ACTR3B: variants seen among roughly 807,000 people sequenced by gnomAD.
ACTR3B encodes the protein actin-related protein 3B.
Under a neutral mutation model 59.0 loss-of-function variants are expected in ACTR3B, and 8 were observed. The ratio of observed to expected loss-of-function variants is 0.14; its 90% CI spans 0.08 to 0.24. The LOEUF is 0.24. Among genes scored for constraint, ACTR3B ranks in the 10% least tolerant of loss-of-function variants. ACTR3B has a pLI of 1.00. For synonymous variants in ACTR3B, 148 were observed against 197.9 expected (o/e 0.75, Z 2.12); for missense variants, 245 against 552.3 (o/e 0.44, Z 5.58).
At chr7:152,828,344 C>T (rs62494969) in intron 9 of ACTR3B, among the ~76,000 whole-genome samples, 78,706 of 150,840 alleles carry the variant, frequency 0.52, 22,384 homozygotes, top group East Asian at 0.71. Flanking sequence ...TTCTGGAAGC[C>T]GTCAGCCCTC....
intron 9 of ACTR3B, among the ~76,000 whole-genome samples, chr7:152,834,328 A>G (rs1797266702): frequency 6.6e-6 from 1 of 151,956 alleles, no homozygotes; most frequent in African/African-American, 2.4e-5. Flanking sequence ...TGATTTTTGT[A>G]TTTTTAGTAG....
intron 9 of ACTR3B, among the ~76,000 whole-genome samples, chr7:152,832,028 T>A (rs1306897751): frequency 6.6e-6 from 1 of 152,088 alleles, no homozygotes; most frequent in African/African-American, 2.4e-5. Context: ...GGATTGGAGA[T>A]GGAGTCTGGA....
chr7:152,838,624 A>G (rs1797647452), intron 9 of ACTR3B, among the ~76,000 whole-genome samples: 1 of 152,038 alleles, frequency 6.6e-6, no homozygotes, highest in Non-Finnish European at 1.5e-5. Flanking sequence ...TGGCACGTGT[A>G]TACCTGTGTA....
chr7:152,854,575 C>T lies in ACTR3B; in HGVS notation c.*22C>T, dbSNP rs1249449510. 7.5e-6 allele frequency: 12 copies of T among 1,608,864 alleles called. No homozygotes were observed. Among genetic ancestry groups the T allele is most frequent in the South Asian group, 4.4e-5 (4 of 90,966 alleles). On this transcript the variant is annotated 3_prime_UTR_variant, in exon 12 of 12. Coordinates refer to ENST00000256001, the MANE Select transcript of ACTR3B (RefSeq NM_020445.6). The surrounding 1 kb of genome is among the most constrained non-coding windows in gnomAD (Gnocchi z 4.9). ...CTAGTGTCTGCCTGAACGCGTCGTT[C>T]GATGGTGTCACGTTGGGGAACAAGT...
chr7:152,807,866 A>C lies in ACTR3B; in HGVS notation c.336+6135A>C, dbSNP rs547108713. Among the ~76,000 whole-genome samples, 140 of 152,088 alleles carry C rather than the reference A, an allele frequency of 9.2e-4. 2 individuals carry two copies. Among genetic ancestry groups the C allele is most frequent in the Admixed American group, 2.2e-3 (34 of 15,278 alleles). On this transcript the variant is annotated intron_variant, in intron 4 of 11. Coordinates refer to ENST00000256001, the MANE Select transcript of ACTR3B (RefSeq NM_020445.6). ...TTTCTATGAACTTTGTTTTTACTTAACTTTTTTTTATTCTAAAATACACAT... is the reference window on the plus strand; with the variant it reads ...TTTCTATGAACTTTGTTTTTACTTACCTTTTTTTTATTCTAAAATACACAT...
At chr7:152,775,076 T>C (rs13308475) in intron 1 of ACTR3B, among the ~76,000 whole-genome samples, 1 of 150,618 alleles carries the variant, frequency 6.6e-6, no homozygotes, top group South Asian at 2.1e-4. Context: ...CCTATAGTCT[T>C]GGCCACTCAG....
intron 5 of ACTR3B, among the ~76,000 whole-genome samples, chr7:152,815,696 C>T (rs1202972688): frequency 6.6e-6 from 1 of 152,104 alleles, no homozygotes; most frequent in Non-Finnish European, 1.5e-5. Context: ...AAAATGGTAC[C>T]AGATATTGTC....
In ACTR3B at chr7:152,855,244, T is replaced by A. The variant is rs1440434815; in HGVS notation, c.*691T>A. 1 of 152,552 alleles carries A rather than the reference T, an allele frequency of 6.6e-6. No homozygotes were observed. The highest frequency in any genetic ancestry group is 1.9e-4 in the East Asian group (1 of 5,198). The allele number at this position is 152,552 out of a possible 1,614,324, so 9.4% of individuals were successfully genotyped here. On this transcript the variant is annotated 3_prime_UTR_variant, in exon 12 of 12. Transcript: ENST00000256001. Reference sequence around the variant, plus strand: ...ATGTATGAGAATTACTACAGATACATGTATCTTTTAGTTTTTTTTGTTTGA... The same window carrying A: ...ATGTATGAGAATTACTACAGATACAAGTATCTTTTAGTTTTTTTTGTTTGA...
intron 1 of ACTR3B, among the ~76,000 whole-genome samples, chr7:152,767,136 CTCTAAT>C (rs2116503467): frequency 6.8e-6 from 1 of 147,952 alleles, no homozygotes; most frequent in Non-Finnish European, 1.5e-5. Flanking sequence ...TCATTTAAAT[CTCTAAT>C]TCATTTGGAA....
intron 9 of ACTR3B, among the ~76,000 whole-genome samples, chr7:152,851,332 C>T (rs58528196): frequency 0.05 from 7,676 of 152,198 alleles, 523 homozygotes; most frequent in African/African-American, 0.15. Flanking sequence ...ATGCAGTGCC[C>T]CATGGTGAGA....
At chr7:152,844,232 A>G (rs1798090568) in intron 9 of ACTR3B, among the ~76,000 whole-genome samples, 1 of 151,826 alleles carries the variant, frequency 6.6e-6, no homozygotes, top group Non-Finnish European at 1.5e-5. Context: ...TAATTTGTGT[A>G]TTTTTAGTAG....
chr7:152,811,068 G>GTA (rs902791606), intron 4 of ACTR3B: 1 of 150,414 alleles, frequency 6.6e-6, no homozygotes, highest in African/African-American at 2.5e-5. Context: ...TTAGTGATGG[G>GTA]TATTTAGGTT....
intron 1 of ACTR3B, among the ~76,000 whole-genome samples, chr7:152,770,223 A>G (rs2098120725): frequency 6.6e-6 from 1 of 152,152 alleles, no homozygotes; most frequent in African/African-American, 2.4e-5. Context: ...GCTAAAATTC[A>G]TATCACATTT....
At chr7:152,845,077 T>C (rs1359809606) in intron 9 of ACTR3B, among the ~76,000 whole-genome samples, 1 of 149,712 alleles carries the variant, frequency 6.7e-6, no homozygotes, top group African/African-American at 2.5e-5. Context: ...TGCTGTCTTA[T>C]CCACCACCTG....
intron 10 of ACTR3B, 105 bp downstream of exon 10, chr7:152,852,356 A>G (rs973397082): frequency 5.1e-5 from 71 of 1,386,626 alleles, no homozygotes; most frequent in Non-Finnish European, 6.6e-5. Flanking sequence ...CGCGTAAAAT[A>G]AAAACAAGTG....
intron 1 of ACTR3B, among the ~76,000 whole-genome samples, chr7:152,763,105 C>T (rs2117099300): frequency 6.6e-6 from 1 of 152,072 alleles, no homozygotes; most frequent in South Asian, 2.1e-4. Flanking sequence ...CACCTGAGGG[C>T]AGGAGTTCGA....
intron 9 of ACTR3B, among the ~76,000 whole-genome samples, chr7:152,842,068 C>G (rs540750019): frequency 6.6e-6 from 1 of 152,230 alleles, no homozygotes; most frequent in Non-Finnish European, 1.5e-5. Context: ...CTTCCTATCA[C>G]TGTAGATGGG....
At chr7:152,801,384 C>T (rs1249641848) in intron 3 of ACTR3B, among the ~76,000 whole-genome samples, 1 of 152,132 alleles carries the variant, frequency 6.6e-6, no homozygotes, top group Non-Finnish European at 1.5e-5. Context: ...TGGCCTGCCT[C>T]CGTGTCATTG....
intron 1 of ACTR3B, among the ~76,000 whole-genome samples, chr7:152,760,164 GCC>G (rs2098084772): frequency 6.6e-6 from 1 of 152,144 alleles, no homozygotes; most frequent in Non-Finnish European, 1.5e-5. Flanking sequence ...GGGACGCGGT[GCC>G]CACTCTGAGC....
Sources: gnomAD v4.1 joint callset for allele counts (sites outside exome capture counted in the v4.1 genomes callset) on GRCh38, gnomAD v4.1.1 for gene constraint, Gnocchi (gnomAD v3.1) non-coding constraint, MANE v1.5 for transcripts, NCBI Gene and HGNC (gene_info 2026-07-23, HGNC 2026-07-21) for gene names.